Variants in PAXIP1 observed in about 807,000 individuals in gnomAD.
PAXIP1 encodes PAX-interacting protein 1.
PAXIP1 carries 19 observed loss-of-function variants against 140.6 expected under a neutral mutation model. The observed-to-expected ratio is 0.14, with a 90% CI of 0.09 to 0.20. The LOEUF (loss-of-function observed/expected upper bound fraction) is 0.20. Ranked by LOEUF, PAXIP1 falls within the 10% of genes least tolerant of loss-of-function variation. The pLI, the probability that PAXIP1 is intolerant of heterozygous loss-of-function variation, is 1.00. For synonymous variants in PAXIP1, 442 were observed against 444.6 expected, an observed-to-expected ratio of 0.99 and a Z score of 0.07; for missense variants, 920 against 1,208.6, an observed-to-expected ratio of 0.76 and a Z score of 3.54.
intron 10 of PAXIP1, 145 bp from the exon 11 acceptor site, chr7:154,961,793 A>T (rs1808765217): frequency 2.8e-6 from 2 of 720,836 alleles, no homozygotes; most frequent in South Asian, 3.9e-5. Flanking sequence ...CATTCCTAAA[A>T]CTTTCAAGAC....
Position 154,968,701 on chromosome 7 carries a change from C to CTGCTGCTGCAGGGCA in PAXIP1, c.1485_1499dup (p.His495_Gln499dup), listed in dbSNP as rs1299946889. 1.3e-5 allele frequency: 9 copies of CTGCTGCTGCAGGGCA among 717,912 alleles called. No individual in the cohort carries two copies. Among genetic ancestry groups the CTGCTGCTGCAGGGCA allele is most frequent in the Non-Finnish European group, 2.3e-5 (9 of 385,138 alleles). 44.5% of individuals were successfully genotyped at this position (717,912 alleles called of 1,614,324 possible). The stretch of plus-strand genomic sequence containing the variant: ...GCTGGTGCTGCTGCAGCTGATGGAA[C>CTGCTGCTGCAGGGCA]TGCTGCTGCAGGGCATGCTGCTGCT... On this transcript the variant is annotated inframe_insertion, in exon 7 of 21. Transcript: ENST00000404141.
At chr7:155,000,591 TCA>T (rs1295226699) in intron 1 of PAXIP1, 2 of 152,238 alleles carry the variant, frequency 1.3e-5, no homozygotes, top group Admixed American at 6.5e-5. Flanking sequence ...CTTTCTGTTC[TCA>T]GTTTCCATTC....
chr7:154,948,838 T>C (rs758439717), intron 16 of PAXIP1: 1 of 151,940 alleles, frequency 6.6e-6, no homozygotes, highest in Non-Finnish European at 1.5e-5. Flanking sequence ...TGGCTCATAA[T>C]CAATTATGTG....
rs753071824 is a variant in PAXIP1 at position 154,968,982 on chromosome 7, C to CCTG, written c.1216_1218dup (p.Gln406dup). 2.7e-6 allele frequency: 4 copies of CCTG among 1,501,896 alleles called. No homozygotes were observed. The highest frequency in any genetic ancestry group is 2.7e-6 in the Non-Finnish European group (3 of 1,109,910). The allele number at this position is 1,501,896 out of a possible 1,614,324, so 93.0% of individuals were successfully genotyped here. On this transcript the variant is annotated inframe_insertion, in exon 7 of 21. Coordinates refer to ENST00000404141, the MANE Select transcript of PAXIP1 (RefSeq NM_007349.4). ...GGGTGCTGCTGCTGCTGCTGCTGGG[C>CCTG]CTGCTGCTGCTGCTGTAGCATGTGT...
At chr7:154,964,002 C>A in intron 8 of PAXIP1, 1 of 476,018 alleles carries the variant, frequency 2.1e-6, no homozygotes. Context: ...AAGAGAAGAA[C>A]AATGGAATGC....
At chr7:154,959,805 ATTTTTAATTT>A in intron 13 of PAXIP1, 75 bp downstream of exon 13, 1 of 881,848 alleles carries the variant, frequency 1.1e-6, no homozygotes, top group Non-Finnish European at 1.9e-6. Flanking sequence ...TACTAAAATA[ATTTTTAATTT>A]ATGAAGACAA....
At chr7:154,959,792 A>T in intron 13 of PAXIP1, 98 bp downstream of exon 13, 1 of 806,626 alleles carries the variant, frequency 1.2e-6, no homozygotes, top group Non-Finnish European at 2.1e-6. Context: ...CATGTTGACA[A>T]GTTACTAAAA....
chr7:154,968,896 G>C lies in PAXIP1; in HGVS notation c.1305C>G (p.Ile435Met). Residue 435 changes from isoleucine to methionine, a missense_variant, in exon 7 of 21, where the codon ATC becomes ATG. Ile to Met is a conservative substitution (Grantham distance 10). Around this residue, in one of 5 missense-constraint regions of PAXIP1, gnomAD observed 133 missense variants for 88.4 expected, o/e 1.50. Transcript: ENST00000404141. ...GCTGCTGGGGGTAAGGTTGCTGAGA[G>C]ATCTGCTGCTGCTGCTGCTGCTGGA... is the stretch of plus-strand genomic sequence containing the variant. ...MQLQQQQQQQ[I>M]SQQPYPQQPP... 1.7e-6 allele frequency: 2 copies of C among 1,154,530 alleles called. No individual in the cohort carries two copies. The allele number at this position is 1,154,530 out of a possible 1,614,324, so 71.5% of individuals were successfully genotyped here.
chr7:154,966,909 C>T (rs946911599), intron 8 of PAXIP1, among the ~76,000 whole-genome samples: 1 of 152,244 alleles, frequency 6.6e-6, no homozygotes, highest in Non-Finnish European at 1.5e-5. Context: ...CCTTTGCACC[C>T]TCCTGTCAGT....
At position 154,995,791 on chromosome 7, in the gene PAXIP1, G is replaced by C. The variant is rs138923915; in HGVS notation, c.217-2022C>G. On this transcript the variant is annotated intron_variant, in intron 2 of 20. Transcript: ENST00000404141. ...CTTGAACCCTGAGGCAGAGGGTGCA[G>C]TGAGTCGAGATCACACCATTGCACT... Among the ~76,000 whole-genome samples, 480 of 152,258 alleles carry C rather than the reference G, an allele frequency of 3.2e-3. 3 individuals carry two copies. The highest frequency in any genetic ancestry group is 5.3e-3 in the Non-Finnish European group (358 of 68,012).
intron 2 of PAXIP1, among the ~76,000 whole-genome samples, chr7:154,995,958 C>T (rs1810582698): frequency 6.6e-6 from 1 of 151,814 alleles, no homozygotes; most frequent in African/African-American, 2.4e-5. Flanking sequence ...GTTTTGGTGC[C>T]CAAAGAAGCA....
At chr7:154,996,250 A>T (rs1208762318) in intron 2 of PAXIP1, among the ~76,000 whole-genome samples, 2 of 152,168 alleles carry the variant, frequency 1.3e-5, no homozygotes, top group Non-Finnish European at 2.9e-5. Flanking sequence ...GTCAGCTCCG[A>T]AGTACTCTAC....
chr7:154,978,823 C>A (rs944231026), intron 5 of PAXIP1, among the ~76,000 whole-genome samples: 1 of 152,108 alleles, frequency 6.6e-6, no homozygotes, highest in African/African-American at 2.4e-5. Flanking sequence ...AAAACTACTG[C>A]CATGAAGAGG....
chr7:154,948,440 G>C (rs934433001), intron 16 of PAXIP1: 1 of 168,716 alleles, frequency 5.9e-6, no homozygotes, highest in Non-Finnish European at 1.3e-5. Flanking sequence ...CCAGCTACTC[G>C]GGGGACTGAA....
At chr7:154,976,875 A>G (rs1809606265) in intron 5 of PAXIP1, among the ~76,000 whole-genome samples, 1 of 152,354 alleles carries the variant, frequency 6.6e-6, no homozygotes, top group East Asian at 1.9e-4. Context: ...GGAGACACAA[A>G]GGATGCAACA....
chr7:154,953,340 T>A (rs1296188245), intron 16 of PAXIP1, among the ~76,000 whole-genome samples: 1 of 152,222 alleles, frequency 6.6e-6, no homozygotes, highest in Non-Finnish European at 1.5e-5. Context: ...AGCATGTGGA[T>A]GCTCTAAATC....
rs1234394831 is a variant in PAXIP1 at position 154,946,214 on chromosome 7, C to G, written c.3194+151G>C. On this transcript the variant is annotated intron_variant, in intron 20 of 20. Transcript: ENST00000404141. This position sits in a 1 kb window ranked among gnomAD's most constrained non-coding sequence, Gnocchi z 4.9. ...TTTACTAGCAACTCAAATGAATATT[C>G]TGAAGAGAAAAGAATTGTTCACTGC... The G allele has an allele frequency of 1.0e-5, 15 of 1,461,158 alleles. No individual in the cohort carries two copies. The highest frequency in any genetic ancestry group is 1.4e-5 in the Non-Finnish European group (15 of 1,110,746). The allele number at this position is 1,461,158 out of a possible 1,614,324, so 90.5% of individuals were successfully genotyped here.
chr7:154,970,885 C>A (rs1026423521), intron 6 of PAXIP1, among the ~76,000 whole-genome samples: 7 of 152,294 alleles, frequency 4.6e-5, no homozygotes, highest in African/African-American at 1.7e-4. Context: ...TACTTTTTCA[C>A]CCTCATATGT....
At position 154,959,271 on chromosome 7, in the gene PAXIP1, C is replaced by T. The variant is rs116043305; in HGVS notation, c.2478+619G>A. On this transcript the variant is annotated intron_variant, in intron 13 of 20. Transcript: ENST00000404141. ...TTTCAAAACAAAGGTTAGTATGTAACAACAAGAACATAAACCAAAGCCTTT... is the reference window on the plus strand; with the variant it reads ...TTTCAAAACAAAGGTTAGTATGTAATAACAAGAACATAAACCAAAGCCTTT... Among the ~76,000 whole-genome samples, 726 of 152,234 alleles carry T rather than the reference C, an allele frequency of 4.8e-3. 6 individuals are homozygous for T. The highest frequency in any genetic ancestry group is 0.017 in the African/African-American group (689 of 41,532).
Sources: gnomAD v4.1 joint callset for allele counts (sites outside exome capture counted in the v4.1 genomes callset) on GRCh38, gnomAD v4.1.1 for gene constraint, gnomAD v4.1.1 regional missense constraint, Gnocchi (gnomAD v3.1) non-coding constraint, MANE v1.5 for transcripts, NCBI Gene and HGNC (gene_info 2026-07-23, HGNC 2026-07-21) for gene names.